HORMAD2: variants seen among roughly 807,000 people sequenced by gnomAD.
HORMAD2 encodes the protein HORMA domain containing 2.
A neutral mutation model predicts 38.8 loss-of-function variants in HORMAD2; 45 were observed. The observed-to-expected ratio is 1.16, with a 90% CI of 0.91 to 1.49. The LOEUF (loss-of-function observed/expected upper bound fraction) is 1.49. HORMAD2 is among the 40% of genes most tolerant of loss of function. HORMAD2 has a pLI of 0.00. For synonymous variants in HORMAD2, 126 were observed against 122.8 expected (o/e 1.03, Z -0.17); for missense variants, 338 against 367.0 (o/e 0.92, Z 0.65).
intron 10 of HORMAD2, among the ~76,000 whole-genome samples, chr22:30,158,548 T>TCCTC (rs1183116792): frequency 1.7e-5 from 2 of 117,978 alleles, no homozygotes; most frequent in East Asian, 4.7e-4. Context: ...CTTCCTTCCT[T>TCCTC]CCTCCCTCCC....
chr22:30,107,779 T>C (rs1011029068), intron 5 of HORMAD2, among the ~76,000 whole-genome samples: 1 of 151,376 alleles, frequency 6.6e-6, no homozygotes, highest in African/African-American at 2.4e-5. Context: ...TAAATGAAAA[T>C]AGTTTGAGTA....
chr22:30,115,163 A>G (rs1314389008), intron 7 of HORMAD2, among the ~76,000 whole-genome samples: 2 of 152,090 alleles, frequency 1.3e-5, no homozygotes, highest in Non-Finnish European at 2.9e-5. Context: ...CTCTCCCTCC[A>G]TCACCCAGGC....
In HORMAD2 at chr22:30,173,167, G is replaced by T. The variant is rs1926223422; in HGVS notation, c.820-2896G>T. Among the ~76,000 whole-genome samples, 3 of 152,320 alleles carry T rather than the reference G, an allele frequency of 2.0e-5. No individual in the cohort carries two copies. The South Asian group carries it at 6.2e-4, about 32-fold the overall frequency. On this transcript the variant is annotated intron_variant, in intron 10 of 10. Coordinates refer to ENST00000336726, the MANE Select transcript of HORMAD2 (RefSeq NM_152510.4). ...GAACTGCAAGTGGTTAAGTGTGGGG[G>T]AAGATGGAGCTGCAGAAATAGGCCA...
chr22:30,094,505 G>T (rs959015652), intron 2 of HORMAD2, among the ~76,000 whole-genome samples: 3 of 152,080 alleles, frequency 2.0e-5, no homozygotes, highest in Non-Finnish European at 4.4e-5. Context: ...ATATTATGTA[G>T]TATAATATTC....
intron 10 of HORMAD2, among the ~76,000 whole-genome samples, chr22:30,162,949 G>A (rs1290779142): frequency 6.6e-6 from 1 of 151,962 alleles, no homozygotes; most frequent in East Asian, 1.9e-4. Flanking sequence ...TGATCCACCC[G>A]CCTCAGCCTC....
At chr22:30,089,890 C>T (rs1000953641) in intron 1 of HORMAD2, among the ~76,000 whole-genome samples, 1 of 152,090 alleles carries the variant, frequency 6.6e-6, no homozygotes, top group Non-Finnish European at 1.5e-5. Flanking sequence ...TTCCTTCTAC[C>T]CCACCAGCAC....
the HORMAD2 span, among the ~76,000 whole-genome samples, chr22:30,199,575 C>T: frequency 4.6e-5 from 7 of 152,148 alleles, no homozygotes; most frequent in Admixed American, 2.0e-4. Flanking sequence ...AGGTAACAGA[C>T]GTCAACTAGC....
At position 30,154,051 on chromosome 22, in the gene HORMAD2, C is replaced by A. The variant is rs568296537; in HGVS notation, c.820-22012C>A. Among the ~76,000 whole-genome samples, 61 of 152,254 alleles carry A rather than the reference C, an allele frequency of 4.0e-4. 1 individual carries two copies. The Middle Eastern group carries it at 0.024, about 59-fold the overall frequency. ...ACTGTTTATGGCTTTTAAGGCCATA[C>A]CTGATCTGCTCTAGCCCAAGGCTCT... On this transcript the variant is annotated intron_variant, in intron 10 of 10. Transcript: ENST00000336726.
chr22:30,077,986 A>C (rs1234429215), upstream of HORMAD2, among the ~76,000 whole-genome samples: 1 of 152,216 alleles, frequency 6.6e-6, no homozygotes, highest in Non-Finnish European at 1.5e-5. Context: ...TCTTGACCTC[A>C]AGGAGTTAAG....
the HORMAD2 span, among the ~76,000 whole-genome samples, chr22:30,203,264 G>A: frequency 2.0e-5 from 3 of 151,990 alleles, no homozygotes; most frequent in Admixed American, 6.5e-5. Context: ...GAGTGGCGGC[G>A]CATGCCTGTA....
At chr22:30,104,464 G>T in intron 5 of HORMAD2, 27 bp downstream of exon 5, 1 of 1,564,166 alleles carries the variant, frequency 6.4e-7, no homozygotes, top group Non-Finnish European at 8.8e-7. Flanking sequence ...ACTTACACTG[G>T]AATCAAAGGC....
intron 10 of HORMAD2, among the ~76,000 whole-genome samples, chr22:30,124,160 G>A (rs1182592758): frequency 1.3e-5 from 2 of 151,624 alleles, no homozygotes; most frequent in Non-Finnish European, 2.9e-5. Flanking sequence ...CTCTCAGCCA[G>A]CCAAACATAT....
At chr22:30,082,779 G>A (rs1160167754) in intron 1 of HORMAD2, among the ~76,000 whole-genome samples, 1 of 141,924 alleles carries the variant, frequency 7.0e-6, no homozygotes, top group Non-Finnish European at 1.5e-5. Flanking sequence ...TCATGCCACC[G>A]CACTTTACTC....
At chr22:30,078,478 T>C (rs1475559787), upstream of HORMAD2, among the ~76,000 whole-genome samples, 1 of 151,222 alleles carries the variant, frequency 6.6e-6, no homozygotes, top group African/African-American at 2.4e-5. Flanking sequence ...TGGTGATGCA[T>C]GCCTGTAACC....
the HORMAD2 span, among the ~76,000 whole-genome samples, chr22:30,206,131 T>C: frequency 6.6e-6 from 1 of 151,904 alleles, no homozygotes; most frequent in African/African-American, 2.4e-5. Context: ...CCCGCCTCCA[T>C]TTACAGATGA....
chr22:30,148,502 A>G (rs1020962643), intron 10 of HORMAD2, among the ~76,000 whole-genome samples: 1 of 152,192 alleles, frequency 6.6e-6, no homozygotes, highest in Non-Finnish European at 1.5e-5. Context: ...AAAACATCCA[A>G]AAATAGGTGC....
At chr22:30,111,394 G>A (rs546217826) in intron 5 of HORMAD2, among the ~76,000 whole-genome samples, 1 of 152,212 alleles carries the variant, frequency 6.6e-6, no homozygotes, top group South Asian at 2.1e-4. Context: ...GCTGAAGCAG[G>A]GGAATCCCTT....
At chr22:30,094,817 A>C (rs1034298467) in intron 2 of HORMAD2, among the ~76,000 whole-genome samples, 6 of 152,192 alleles carry the variant, frequency 3.9e-5, no homozygotes, top group Non-Finnish European at 5.9e-5. Context: ...TTGGCTCAGA[A>C]TAAGAAATAA....
chr22:30,189,850 A>G, the HORMAD2 span, among the ~76,000 whole-genome samples: 4 of 152,014 alleles, frequency 2.6e-5, no homozygotes, highest in African/African-American at 9.7e-5. Context: ...GTGCTCTCAC[A>G]CCATGCCTCC....
Sources: gnomAD v4.1 joint callset for allele counts (sites outside exome capture counted in the v4.1 genomes callset) on GRCh38, gnomAD v4.1.1 for gene constraint, MANE v1.5 for transcripts, NCBI Gene and HGNC (gene_info 2026-07-23, HGNC 2026-07-21) for gene names.